WWP2: variants seen among roughly 807,000 people sequenced by gnomAD.
WWP2 encodes the protein NEDD4-like E3 ubiquitin-protein ligase WWP2.
WWP2 carries 57 observed loss-of-function variants against 121.0 expected under a neutral mutation model. The ratio of observed to expected loss-of-function variants is 0.47; its 90% confidence interval spans 0.38 to 0.59. The LOEUF (loss-of-function observed/expected upper bound fraction) is 0.59, where lower values mean the gene tolerates loss of function less well. WWP2 is among the 20% of genes least tolerant of loss of function. The pLI is 0.00. For missense variants in WWP2, 962 were observed against 1,158.9 expected (o/e 0.83, Z 2.47); for synonymous variants, 449 against 441.3 (o/e 1.02, Z -0.22).
At chr16:69,863,298 C>G (rs2057458422) in intron 6 of WWP2, among the ~76,000 whole-genome samples, 1 of 152,112 alleles carries the variant, frequency 6.6e-6, no homozygotes, top group Admixed American at 6.5e-5. Flanking sequence ...GTGTATAGTT[C>G]TGTAAGTTTT....
chr16:69,908,647 C>T, intron 8 of WWP2, 114 bp from the exon 9 acceptor site: 2 of 1,542,646 alleles, frequency 1.3e-6, no homozygotes, highest in Non-Finnish European at 1.7e-6. Flanking sequence ...CCTCGCATGT[C>T]ATCTTTGATG....
Position 69,925,550 on chromosome 16 carries a change from C to T in WWP2, c.1234+66C>T. 6.3e-7 allele frequency: 1 copy of T among 1,577,892 alleles called. No individual in the cohort carries two copies. The highest frequency in any genetic ancestry group is 1.4e-5 in the African/African-American group (1 of 73,646). On this transcript the variant is annotated intron_variant, in intron 11 of 23. Transcript: ENST00000359154. The surrounding 1 kb of genome is among the most constrained non-coding windows in gnomAD (Gnocchi z 4.0). The stretch of plus-strand genomic sequence containing the variant: ...AGCCACGGTGCTCTGTCCTCTCCTC[C>T]CGCGTGTCTTCCTTCCCTGTTCCTG...
At chr16:69,801,086 C>T (rs1338898424) in intron 4 of WWP2, among the ~76,000 whole-genome samples, 6 of 147,104 alleles carry the variant, frequency 4.1e-5, no homozygotes, top group East Asian at 2.1e-4. Context: ...CTACTCAGGA[C>T]GCTGAGACAG....
At chr16:69,788,245 G>A (rs919418235) in intron 2 of WWP2, 1 of 152,680 alleles carries the variant, frequency 6.5e-6, no homozygotes, top group East Asian at 1.9e-4. Flanking sequence ...CTTGAGCCTA[G>A]GAGTTCGAGG....
intron 9 of WWP2, among the ~76,000 whole-genome samples, chr16:69,917,207 G>A (rs969732876): frequency 6.6e-6 from 1 of 152,340 alleles, no homozygotes; most frequent in Admixed American, 6.5e-5. Flanking sequence ...CGAAGCTTGG[G>A]CTACTCAACA....
intron 1 of WWP2, among the ~76,000 whole-genome samples, chr16:69,768,438 G>A (rs1449282872): frequency 4.0e-5 from 6 of 151,880 alleles, no homozygotes; most frequent in African/African-American, 9.7e-5. Flanking sequence ...GAGAAACCCC[G>A]TCTCTACTAA....
At chr16:69,788,880 T>C (rs1057411348) in intron 2 of WWP2, among the ~76,000 whole-genome samples, 2 of 152,174 alleles carry the variant, frequency 1.3e-5, no homozygotes, top group African/African-American at 4.8e-5. Flanking sequence ...TCGGGTTCCA[T>C]AGCTCTGCAG....
At position 69,930,372 on chromosome 16, in the gene WWP2, A is replaced by T. The variant is rs2058694851; in HGVS notation, c.1445+114A>T. ...CCCTGTGGTGCGTTCTACTGCCCTT[A>T]CTGCCCTCTAGTGGCCAATGTTGAT... On this transcript the variant is annotated intron_variant, in intron 13 of 23. Transcript: ENST00000359154. The T allele has an allele frequency of 4.7e-6, 7 of 1,490,506 alleles. No individual in the cohort carries two copies. The South Asian group carries it at 9.4e-5, about 20-fold the overall frequency. The allele number at this position is 1,490,506 out of a possible 1,614,324, so 92.3% of individuals were successfully genotyped here.
intron 6 of WWP2, among the ~76,000 whole-genome samples, chr16:69,870,810 C>T (rs561442147): frequency 1.3e-5 from 2 of 152,326 alleles, no homozygotes; most frequent in Admixed American, 1.3e-4. Flanking sequence ...GAGGCTTAGA[C>T]ATTTTCACTG....
In WWP2 at chr16:69,939,399, C is replaced by T. The variant is rs772397704; in HGVS notation, c.2499C>T (p.Pro833=). The T allele has an allele frequency of 3.2e-5, 51 of 1,614,004 alleles. 2 individuals are homozygous for T. The South Asian group carries it at 4.8e-4, about 15-fold the overall frequency. ...AAGTTGGCAAGGAAACCTGGCTGCC[C>T]AGAAGCCACACCTGGTGAGCCTGCT... ...IDKVGKETWL[P]RSHTCFNRLD... Residue 833 remains proline, a synonymous_variant, in exon 23 of 24, where the codon CCC becomes CCT. Transcript: ENST00000359154.
intron 1 of WWP2, chr16:69,776,088 G>C (rs2055521041): frequency 1.3e-5 from 2 of 152,246 alleles, no homozygotes; most frequent in Admixed American, 6.5e-5. Flanking sequence ...TATGGGGGAG[G>C]GGAAGCATTC....
intron 17 of WWP2, among the ~76,000 whole-genome samples, chr16:69,934,878 C>T (rs755202482): frequency 6.6e-6 from 1 of 152,172 alleles, no homozygotes; most frequent in Admixed American, 6.5e-5. Flanking sequence ...AGAGAGGGCG[C>T]GCCAGTCCAT....
chr16:69,765,991 A>G (rs911632456), intron 1 of WWP2, among the ~76,000 whole-genome samples: 19 of 152,086 alleles, frequency 1.2e-4, no homozygotes, highest in Non-Finnish European at 4.4e-5. Flanking sequence ...TACTATCCAC[A>G]TGCTAACAGC....
chr16:69,923,388 C>T (rs564251357), intron 10 of WWP2, among the ~76,000 whole-genome samples: 4 of 149,168 alleles, frequency 2.7e-5, no homozygotes, highest in South Asian at 2.2e-4. Flanking sequence ...AACCCTTTAA[C>T]GAAAGAGAGC....
At chr16:69,818,907 A>G (rs1447895162) in intron 4 of WWP2, among the ~76,000 whole-genome samples, 1 of 152,158 alleles carries the variant, frequency 6.6e-6, no homozygotes, top group Admixed American at 6.6e-5. Flanking sequence ...ACTCACAGCT[A>G]GGGCTTCTCC....
chr16:69,909,433 GA>G (rs1463392892), intron 9 of WWP2: 1 of 985,552 alleles, frequency 1.0e-6, no homozygotes, highest in African/African-American at 1.7e-5. Context: ...AAGGCTGTCG[GA>G]AGTAGGGACT....
intron 6 of WWP2, among the ~76,000 whole-genome samples, chr16:69,843,133 T>C (rs1440213303): frequency 1.3e-5 from 2 of 152,150 alleles, no homozygotes; most frequent in Non-Finnish European, 2.9e-5. Context: ...CAGCCACAGT[T>C]ATTCTTCCAG....
intron 12 of WWP2, 83 bp downstream of exon 12, chr16:69,929,612 A>G (rs1380876180): frequency 9.6e-6 from 12 of 1,248,678 alleles, no homozygotes; most frequent in Non-Finnish European, 1.0e-5. Flanking sequence ...TTTGGACTGC[A>G]TCGTCCCAGA....
intron 4 of WWP2, chr16:69,828,094 G>A (rs2056734948): frequency 5.5e-6 from 2 of 362,906 alleles, no homozygotes; most frequent in South Asian, 2.1e-5. Context: ...AAAGGAAAAT[G>A]TGTGTAGCTG....
Sources: allele counts gnomAD v4.1 joint callset (sites outside exome capture counted in the v4.1 genomes callset), GRCh38; gene constraint gnomAD v4.1.1; non-coding constraint Gnocchi (gnomAD v3.1); transcripts MANE v1.5; gene names NCBI Gene and HGNC (gene_info 2026-07-23, HGNC 2026-07-21).